The following CDH8 variants were observed in gnomAD, a reference collection of about 807,000 sequenced individuals.
The protein encoded by CDH8 is cadherin-8.
A neutral mutation model predicts 68.1 loss-of-function variants in CDH8; 17 were observed. The observed-to-expected ratio is 0.25, with a 90% confidence interval of 0.17 to 0.37. The LOEUF (loss-of-function observed/expected upper bound fraction) is 0.37. CDH8 is among the 10% of genes least tolerant of loss of function. The pLI is 1.00. For missense variants in CDH8, 763 were observed against 999.3 expected (o/e 0.76, Z 3.19); for synonymous variants, 372 against 365.1 (o/e 1.02, Z -0.21).
chr16:61,823,360 T>C (rs1483630531), intron 5 of CDH8, among the ~76,000 whole-genome samples: 1 of 151,848 alleles, frequency 6.6e-6, no homozygotes, highest in African/African-American at 2.4e-5. Flanking sequence ...GTGTTTTCTA[T>C]ACCAACAAAT....
intron 10 of CDH8, among the ~76,000 whole-genome samples, chr16:61,675,974 C>G (rs1963899988): frequency 2.6e-5 from 4 of 151,296 alleles, no homozygotes; most frequent in Admixed American, 2.0e-4. Flanking sequence ...CTGAAGAAGA[C>G]AGTTTAAGAT....
chr16:61,944,812 A>C (rs1387572576), intron 2 of CDH8, among the ~76,000 whole-genome samples: 4 of 152,204 alleles, frequency 2.6e-5, no homozygotes, highest in Non-Finnish European at 5.9e-5. Flanking sequence ...TGCAACAGGC[A>C]TGGTTCTGGT....
intron 2 of CDH8, among the ~76,000 whole-genome samples, chr16:61,917,139 G>A (rs926699489): frequency 6.6e-6 from 1 of 150,594 alleles, no homozygotes; most frequent in Admixed American, 6.6e-5. Context: ...GGGAGTAGGA[G>A]GAGAGAACTG....
In CDH8 at chr16:61,960,268, CGT is replaced by C. The variant is rs757485259; in HGVS notation, c.253-58797_253-58796del. Among the ~76,000 whole-genome samples the C allele has an allele frequency of 6.0e-4, 46 of 76,838 alleles. 11 individuals are homozygous for C. Among genetic ancestry groups the C allele is most frequent in the South Asian group, 2.2e-3 (6 of 2,676 alleles). The allele number at this position is 76,838 out of a possible 152,430, so 50.4% of individuals were successfully genotyped here. On this transcript the variant is annotated intron_variant, in intron 2 of 11. Transcript: ENST00000577390. ...GTGTGTGTATACACATACATATATA[CGT>C]GTGTGTGTATACACACATATATACG...
chr16:61,821,989 G>A (rs1402438769), intron 5 of CDH8, among the ~76,000 whole-genome samples: 1 of 151,800 alleles, frequency 6.6e-6, no homozygotes, highest in Non-Finnish European at 1.5e-5. Flanking sequence ...TTTGCCCACT[G>A]AGTGTCAGGC....
At chr16:61,796,601 CAA>C (rs1206597912) in intron 7 of CDH8, among the ~76,000 whole-genome samples, 2 of 152,066 alleles carry the variant, frequency 1.3e-5, no homozygotes, top group Non-Finnish European at 2.9e-5. Context: ...CTAATATTCA[CAA>C]GAGACTTATT....
intron 10 of CDH8, among the ~76,000 whole-genome samples, chr16:61,664,218 T>G (rs566860425): frequency 6.6e-6 from 1 of 152,112 alleles, no homozygotes; most frequent in East Asian, 1.9e-4. Context: ...CTGTATAATT[T>G]CTTTCATAAA....
chr16:61,832,371 G>GATAC (rs997382612), intron 4 of CDH8, among the ~76,000 whole-genome samples: 11 of 149,500 alleles, frequency 7.4e-5, no homozygotes, highest in African/African-American at 1.7e-4. Context: ...TAGATAGATA[G>GATAC]ATAGATAGAT....
chr16:61,988,417 C>G (rs1211521424), intron 2 of CDH8, among the ~76,000 whole-genome samples: 2 of 152,128 alleles, frequency 1.3e-5, no homozygotes, highest in Non-Finnish European at 2.9e-5. Context: ...GACTTTCTAT[C>G]CTTGATTAAG....
chr16:61,835,224 C>T lies in CDH8; in HGVS notation c.668-10045G>A, dbSNP rs567324272. Among the ~76,000 whole-genome samples, 7 of 151,960 alleles carry T rather than the reference C, an allele frequency of 4.6e-5. No individual in the cohort carries two copies. In the South Asian group the frequency reaches 1.5e-3, roughly 32 times the overall value. ...CGGGCTTGAAAGCTTTAAATCAGACCGCTGAGGATCATTCCACTATCTCAA... is the reference window on the plus strand; with the variant it reads ...CGGGCTTGAAAGCTTTAAATCAGACTGCTGAGGATCATTCCACTATCTCAA... On this transcript the variant is annotated intron_variant, in intron 4 of 11. Transcript: ENST00000577390.
At chr16:61,851,651 G>C (rs974360533) in intron 4 of CDH8, among the ~76,000 whole-genome samples, 1 of 147,276 alleles carries the variant, frequency 6.8e-6, no homozygotes, top group Non-Finnish European at 1.5e-5. Flanking sequence ...GTGGCAGGGA[G>C]GGGAAAACAA....
chr16:61,997,527 G>T (rs191986683), intron 2 of CDH8, among the ~76,000 whole-genome samples: 1 of 152,108 alleles, frequency 6.6e-6, no homozygotes, highest in African/African-American at 2.4e-5. Flanking sequence ...TTAAAATCAC[G>T]AATTAATGCT....
intron 2 of CDH8, among the ~76,000 whole-genome samples, chr16:61,913,595 A>G (rs1964193222): frequency 6.6e-6 from 1 of 152,042 alleles, no homozygotes; most frequent in African/African-American, 2.4e-5. Context: ...GCACCACTGA[A>G]AAGTGTGTGG....
intron 9 of CDH8, among the ~76,000 whole-genome samples, chr16:61,724,013 A>G (rs1047655788): frequency 2.7e-5 from 4 of 150,678 alleles, no homozygotes; most frequent in Admixed American, 6.7e-5. Context: ...ATAATTAGCA[A>G]TGATAACATA....
intron 2 of CDH8, among the ~76,000 whole-genome samples, chr16:62,001,254 G>T (rs147937213): frequency 6.6e-6 from 1 of 152,154 alleles, no homozygotes; most frequent in Non-Finnish European, 1.5e-5. Context: ...AATAGGTACA[G>T]TTAGAGTTAA....
intron 2 of CDH8, among the ~76,000 whole-genome samples, chr16:61,992,831 C>T (rs1056688010): frequency 2.6e-5 from 4 of 152,044 alleles, no homozygotes; most frequent in South Asian, 2.1e-4. Flanking sequence ...CTCAGTTGTC[C>T]GGGCTGGAGT....
chr16:61,832,345 T>TAGAC (rs1297393012), intron 4 of CDH8, among the ~76,000 whole-genome samples: 5 of 147,222 alleles, frequency 3.4e-5, no homozygotes, highest in African/African-American at 5.3e-5. Context: ...GATAGATAGA[T>TAGAC]AGATAGATAG....
In CDH8 at chr16:62,017,106, A is replaced by G. The variant is rs375234510; in HGVS notation, c.252+4046T>C. Among the ~76,000 whole-genome samples, 12 of 152,280 alleles carry G rather than the reference A, an allele frequency of 7.9e-5. No individual in the cohort carries two copies. In the South Asian group the frequency reaches 2.3e-3, roughly 29 times the overall value. Reference sequence around the variant, plus strand: ...CATTCTTCCATTATGTAGGTAAATTATTCATTTATTTTTTCATGTAAAGTA... The same window carrying G: ...CATTCTTCCATTATGTAGGTAAATTGTTCATTTATTTTTTCATGTAAAGTA... On this transcript the variant is annotated intron_variant, in intron 2 of 11. Coordinates refer to ENST00000577390, the MANE Select transcript of CDH8 (RefSeq NM_001796.5).
intron 10 of CDH8, among the ~76,000 whole-genome samples, chr16:61,686,294 A>ACC (rs1964105348): frequency 6.6e-6 from 1 of 151,790 alleles, no homozygotes; most frequent in Non-Finnish European, 1.5e-5. Flanking sequence ...TTTTTGCCTG[A>ACC]ATTATTGATT....
Sources: allele counts gnomAD v4.1 joint callset (sites outside exome capture counted in the v4.1 genomes callset), GRCh38; gene constraint gnomAD v4.1.1; transcripts MANE v1.5; gene names NCBI Gene and HGNC (gene_info 2026-07-23, HGNC 2026-07-21).